The following MAPK10 variants were observed in gnomAD, a reference collection of about 807,000 sequenced individuals.
The protein encoded by MAPK10 is JNK3 alpha protein kinase.
A neutral mutation model predicts 59.3 loss-of-function variants in MAPK10; 25 were observed. The observed-to-expected ratio is 0.42, with a 90% CI of 0.31 to 0.59. The LOEUF (loss-of-function observed/expected upper bound fraction) is 0.59. Ranked by LOEUF, MAPK10 falls within the 20% of genes least tolerant of loss-of-function variation. MAPK10 has a pLI of 0.15. For synonymous variants in MAPK10, 190 were observed against 200.5 expected, an observed-to-expected ratio of 0.95 and a Z score of 0.44; for missense variants, 351 against 568.9, an observed-to-expected ratio of 0.62 and a Z score of 3.90.
At chr4:86,298,437 AC>A (rs2148838357) in intron 2 of MAPK10, among the ~76,000 whole-genome samples, 1 of 152,318 alleles carries the variant, frequency 6.6e-6, no homozygotes, top group East Asian at 1.9e-4. Flanking sequence ...CACCCCTGTG[AC>A]CCTCCTCTAG....
intron 1 of MAPK10, among the ~76,000 whole-genome samples, chr4:86,395,370 G>T (rs1304583781): frequency 2.0e-5 from 3 of 152,110 alleles, no homozygotes; most frequent in Non-Finnish European, 2.9e-5. Context: ...TAGCCATTTT[G>T]ATTAATGTGT....
intron 2 of MAPK10, among the ~76,000 whole-genome samples, chr4:86,299,563 A>G (rs2095430636): frequency 6.6e-6 from 1 of 152,128 alleles, no homozygotes; most frequent in Non-Finnish European, 1.5e-5. Context: ...ACCCTACTAA[A>G]CTGTGAGAAA....
Position 86,592,438 on chromosome 4 carries a change from C to T in MAPK10, c.-263+1472G>A, listed in dbSNP as rs141080233. 1.0e-3 allele frequency among the ~76,000 whole-genome samples: 153 copies of T among 152,224 alleles called. 1 individual carries two copies. Among genetic ancestry groups the T allele is most frequent in the African/African-American group, 3.6e-3 (150 of 41,536 alleles). Reference sequence around the variant, plus strand: ...TGTCTACTTTTGCGGAAATTTACAACACTATACTTGCTATACCTTCTTTCT... The same window carrying T: ...TGTCTACTTTTGCGGAAATTTACAATACTATACTTGCTATACCTTCTTTCT... On this transcript the variant is annotated intron_variant, in intron 1 of 4. Coordinates refer to the MAPK10 transcript ENST00000502302.
At chr4:86,564,004 G>T (rs1326145237) in intron 1 of MAPK10, among the ~76,000 whole-genome samples, 1 of 151,982 alleles carries the variant, frequency 6.6e-6, no homozygotes, top group African/African-American at 2.4e-5. Flanking sequence ...GCTAATTTTT[G>T]TATTTTTAGT....
chr4:86,161,775 GC>G (rs537932332), intron 3 of MAPK10, among the ~76,000 whole-genome samples: 9 of 151,986 alleles, frequency 5.9e-5, no homozygotes, highest in African/African-American at 2.2e-4. Context: ...CAACTGTATT[GC>G]ATGTATAAAC....
chr4:86,507,312 G>C (rs1177269348), intron 1 of MAPK10, among the ~76,000 whole-genome samples: 1 of 151,878 alleles, frequency 6.6e-6, no homozygotes, highest in Non-Finnish European at 1.5e-5. Flanking sequence ...TAAGCTATTA[G>C]ATTGACCAAA....
intron 2 of MAPK10, among the ~76,000 whole-genome samples, chr4:86,328,795 G>T (rs981135590): frequency 6.6e-6 from 1 of 152,080 alleles, no homozygotes; most frequent in South Asian, 2.1e-4. Flanking sequence ...AGTGGGAGCT[G>T]AACAATGAGA....
At chr4:86,173,150 C>G (rs573735922) in intron 3 of MAPK10, among the ~76,000 whole-genome samples, 1 of 151,984 alleles carries the variant, frequency 6.6e-6, no homozygotes, top group Non-Finnish European at 1.5e-5. Context: ...CAAAAAAGAA[C>G]CCGTATAGCC....
intron 9 of MAPK10, among the ~76,000 whole-genome samples, chr4:86,088,820 C>G (rs1428495747): frequency 2.6e-5 from 4 of 152,136 alleles, no homozygotes; most frequent in Non-Finnish European, 5.9e-5. Flanking sequence ...GAATATTTCT[C>G]ATTATATCAA....
At chr4:86,113,951 T>C (rs879635858) in intron 4 of MAPK10, among the ~76,000 whole-genome samples, 3 of 152,242 alleles carry the variant, frequency 2.0e-5, no homozygotes, top group Non-Finnish European at 4.4e-5. Flanking sequence ...GCCTGTCTTA[T>C]TTCAGCAAGA....
upstream of MAPK10, among the ~76,000 whole-genome samples, chr4:86,362,974 C>CA (rs965430336): frequency 1.5e-4 from 22 of 151,510 alleles, no homozygotes; most frequent in African/African-American, 5.3e-4. Flanking sequence ...CTACGTCTAC[C>CA]AAAAAAAAGT....
intron 11 of MAPK10, among the ~76,000 whole-genome samples, chr4:86,038,827 T>C (rs2040890955): frequency 6.6e-6 from 1 of 152,196 alleles, no homozygotes; most frequent in South Asian, 2.1e-4. Flanking sequence ...GAAAATATTA[T>C]TGCAATATGC....
intron 1 of MAPK10, among the ~76,000 whole-genome samples, chr4:86,478,373 C>T (rs1020150910): frequency 1.3e-5 from 2 of 152,178 alleles, no homozygotes; most frequent in Non-Finnish European, 1.5e-5. Context: ...ACCGGGACTA[C>T]GCCCTGTAAC....
At chr4:86,538,975 T>C (rs906830143) in intron 1 of MAPK10, among the ~76,000 whole-genome samples, 1 of 152,156 alleles carries the variant, frequency 6.6e-6, no homozygotes, top group African/African-American at 2.4e-5. Flanking sequence ...CTTATCAAAT[T>C]AAAAATCTTT....
intron 1 of MAPK10, among the ~76,000 whole-genome samples, chr4:86,500,346 T>G (rs1378019774): frequency 6.6e-6 from 1 of 152,166 alleles, no homozygotes; most frequent in East Asian, 1.9e-4. Flanking sequence ...GTTATTAAGT[T>G]CAAGCACGTT....
intron 2 of MAPK10, among the ~76,000 whole-genome samples, chr4:86,353,272 T>TTAGA (rs1343281298): frequency 1.3e-5 from 2 of 152,108 alleles, no homozygotes; most frequent in Non-Finnish European, 2.9e-5. Flanking sequence ...ACCCCACTCT[T>TTAGA]TAGACTGAGG....
intron 2 of MAPK10, among the ~76,000 whole-genome samples, chr4:86,353,476 C>T (rs1432198084): frequency 1.3e-5 from 2 of 151,994 alleles, no homozygotes; most frequent in Non-Finnish European, 2.9e-5. Context: ...TATTTTAGGT[C>T]AAAAATAGTT....
intron 2 of MAPK10, chr4:86,340,418 G>A (rs1262920575): frequency 6.5e-6 from 1 of 152,706 alleles, no homozygotes; most frequent in Non-Finnish European, 1.5e-5. Context: ...GGGGAAGCAA[G>A]TTCACCTTAC....
intron 1 of MAPK10, among the ~76,000 whole-genome samples, chr4:86,412,234 C>G (rs1250244232): frequency 1.3e-5 from 2 of 152,188 alleles, no homozygotes; most frequent in Non-Finnish European, 2.9e-5. Context: ...GGCCCCCACT[C>G]TCTTCTGGCT....
Sources: gnomAD v4.1 joint callset for allele counts (sites outside exome capture counted in the v4.1 genomes callset) on GRCh38, gnomAD v4.1.1 for gene constraint, MANE v1.5 for transcripts, NCBI Gene and HGNC (gene_info 2026-07-23, HGNC 2026-07-21) for gene names.